ABCA4: variants seen among roughly 807,000 people sequenced by gnomAD.
ABCA4 encodes ATP binding cassette subfamily A member 4.
Under a neutral mutation model 263.7 loss-of-function variants are expected in ABCA4, and 196 were observed. The ratio of observed to expected loss-of-function variants is 0.74; its 90% confidence interval spans 0.66 to 0.84. ABCA4 has a LOEUF of 0.84. Ranked by LOEUF, ABCA4 falls within the 40% of genes least tolerant of loss-of-function variation. ABCA4 has a pLI of 0.00. For synonymous variants in ABCA4, 1,133 were observed against 1,094.2 expected (o/e 1.04, Z -0.70); for missense variants, 2,792 against 2,855.1 (o/e 0.98, Z 0.50).
chr1:94,013,870 A>G (rs1053009371), intron 38 of ABCA4, among the ~76,000 whole-genome samples: 1 of 152,198 alleles, frequency 6.6e-6, no homozygotes, highest in African/African-American at 2.4e-5. Context: ...GGATCTGCTG[A>G]TGTGTCTCCA....
At position 94,056,671 on chromosome 1, in the gene ABCA4, G is replaced by A; in HGVS notation, c.2312C>T (p.Thr771Ile). ...AAACSGVIYF[T>I]LYLPHILCFA... is the part of the protein sequence containing the mutation. ...GCACAGGATGTGTGGCAGGTAGAGG[G>A]TGAAATAGATGACACCACTACAGGC... Residue 771 changes from threonine (T) to isoleucine (I), a missense_variant, in exon 15 of 50, where the codon ACC becomes ATC. Physicochemically the swap from Thr to Ile is moderately conservative, Grantham distance 89. Coordinates refer to ENST00000370225, the MANE Select transcript of ABCA4 (RefSeq NM_000350.3). 1.2e-6 allele frequency: 2 copies of A among 1,614,114 alleles called. No homozygotes were observed. Among genetic ancestry groups the A allele is most frequent in the Non-Finnish European group, 1.7e-6 (2 of 1,180,034 alleles).
At chr1:94,093,083 G>A (rs924553296) in intron 6 of ABCA4, among the ~76,000 whole-genome samples, 16 of 152,180 alleles carry the variant, frequency 1.1e-4, no homozygotes, top group Non-Finnish European at 2.2e-4. Flanking sequence ...TGCCCCAGCA[G>A]CTGCCCAGGC....
intron 32 of ABCA4, 21 bp downstream of exon 32, chr1:94,023,365 C>A: frequency 6.3e-7 from 1 of 1,586,228 alleles, no homozygotes; most frequent in Non-Finnish European, 8.7e-7. Flanking sequence ...GATTTTAATT[C>A]TGATAAAAAT....
chr1:94,010,528 T>G, intron 40 of ABCA4: 2 of 552,010 alleles, frequency 3.6e-6, no homozygotes, highest in Non-Finnish European at 6.6e-6. Context: ...AAAATACACA[T>G]TTGGTAATTA....
At chr1:94,003,107 C>A (rs1427971618) in intron 44 of ABCA4, among the ~76,000 whole-genome samples, 1 of 152,192 alleles carries the variant, frequency 6.6e-6, no homozygotes, top group African/African-American at 2.4e-5. Context: ...TCTTACATAA[C>A]CACAGTACAT....
chr1:94,062,523 CT>C, intron 13 of ABCA4, 53 bp downstream of exon 13: 4 of 1,587,916 alleles, frequency 2.5e-6, no homozygotes, highest in Non-Finnish European at 3.4e-6. Context: ...CCCCAGCCCA[CT>C]CCAGCACCCC....
intron 13 of ABCA4, 95 bp from the exon 14 acceptor site, chr1:94,060,854 C>T: frequency 9.4e-7 from 1 of 1,066,698 alleles, no homozygotes; most frequent in South Asian, 1.4e-5. Context: ...AGAACAAAGC[C>T]CAGATGGAGG....
rs761897059 is a variant in ABCA4, at chr1:94,021,903, C to T, written c.4716G>A (p.Thr1572=). The change falls in exon 33 of 50, where the codon ACG becomes ACA. Residue 1572 remains threonine, a synonymous_variant. Coordinates refer to ENST00000370225, the MANE Select transcript of ABCA4 (RefSeq NM_000350.3). ...IGGKLPVVPI[T]GEALVGFLSD... Reference sequence around the variant, plus strand: ...TTAAAAACCCAACAAGTGCTTCCCCCGTGATGGGGACGACTGGGAGCTTTC... The same window carrying T: ...TTAAAAACCCAACAAGTGCTTCCCCTGTGATGGGGACGACTGGGAGCTTTC... 18 of 1,614,058 alleles carry T rather than the reference C, an allele frequency of 1.1e-5. No individual in the cohort carries two copies. Among genetic ancestry groups the T allele is most frequent in the Admixed American group, 5.0e-5 (3 of 60,004 alleles).
chr1:94,025,101 G>A (rs900166986), intron 30 of ABCA4, 53 bp from the exon 31 acceptor site: 13 of 1,493,534 alleles, frequency 8.7e-6, no homozygotes, highest in Non-Finnish European at 1.1e-5. Context: ...GGACTTATAA[G>A]TAGTTTGTGA....
Position 94,001,893 on chromosome 1 carries a change from T to C in ABCA4, c.6247A>G (p.Ile2083Val). The change falls in exon 45 of 50, where the codon ATC becomes GTC. Residue 2083 changes from isoleucine to valine, a missense_variant. Physicochemically the swap from Ile to Val is conservative, Grantham distance 29. Transcript: ENST00000370225. ...AGCGGTGGGCAGCCAATGAGTGCGATGGCTGTGGAGAGTTTCCGCTTGTTG... is the reference window on the plus strand; with the variant it reads ...AGCGGTGGGCAGCCAATGAGTGCGACGGCTGTGGAGAGTTTCCGCTTGTTG... The part of the protein sequence containing the change: ...GGNKRKLSTA[I>V]ALIGCPPLVL... 1 of 1,614,194 alleles carries C rather than the reference T, an allele frequency of 6.2e-7. No individual in the cohort carries two copies. The highest frequency in any genetic ancestry group is 8.5e-7 in the Non-Finnish European group (1 of 1,180,032).
intron 16 of ABCA4, 101 bp downstream of exon 16, chr1:94,055,010 G>A (rs1440211977): frequency 1.6e-6 from 2 of 1,231,310 alleles, no homozygotes; most frequent in East Asian, 2.5e-5. Context: ...TGCTGGTTCT[G>A]ACAAAGAGCT....
chr1:94,007,503 A>G, intron 43 of ABCA4, 131 bp downstream of exon 43: 1 of 805,966 alleles, frequency 1.2e-6, no homozygotes, highest in East Asian at 2.5e-5. Flanking sequence ...GCTCTCTGGG[A>G]GGCCTCCTTC....
intron 49 of ABCA4, 77 bp downstream of exon 49, chr1:93,996,032 C>G: frequency 7.2e-7 from 1 of 1,393,068 alleles, no homozygotes; most frequent in Non-Finnish European, 1.0e-6. Flanking sequence ...CTTGGAGCAA[C>G]TCAAGCCCAG....
intron 14 of ABCA4, among the ~76,000 whole-genome samples, chr1:94,058,138 A>G (rs1339559509): frequency 6.6e-6 from 1 of 152,208 alleles, no homozygotes; most frequent in Non-Finnish European, 1.5e-5. Context: ...CAGATAAAAC[A>G]AATGGCAAAG....
intron 19 of ABCA4, among the ~76,000 whole-genome samples, chr1:94,044,989 C>T (rs760565078): frequency 2.6e-5 from 4 of 152,226 alleles, no homozygotes; most frequent in African/African-American, 7.2e-5. Flanking sequence ...CCCAGGCCAA[C>T]GCCGAGGGCC....
At chr1:94,106,605 C>A (rs906759157) in intron 4 of ABCA4, among the ~76,000 whole-genome samples, 3 of 152,230 alleles carry the variant, frequency 2.0e-5, no homozygotes, top group Non-Finnish European at 1.5e-5. Flanking sequence ...AAATAAACTT[C>A]TACCCAGGGC....
At chr1:94,117,006 C>T (rs1359490797) in intron 1 of ABCA4, among the ~76,000 whole-genome samples, 7 of 91,472 alleles carry the variant, frequency 7.7e-5, no homozygotes, top group African/African-American at 3.0e-4. Flanking sequence ...TTCTTTCTTT[C>T]TTTCTTTCTT....
chr1:94,111,263 T>C (rs1486442706), intron 3 of ABCA4, among the ~76,000 whole-genome samples, 175 bp downstream of exon 3: 2 of 152,228 alleles, frequency 1.3e-5, no homozygotes, highest in Non-Finnish European at 2.9e-5. Flanking sequence ...CCAAGTGCCC[T>C]GACAGTTAAC....
At chr1:94,118,025 T>C (rs1662849120) in intron 1 of ABCA4, among the ~76,000 whole-genome samples, 1 of 152,180 alleles carries the variant, frequency 6.6e-6, no homozygotes, top group Non-Finnish European at 1.5e-5. Flanking sequence ...GACTATTGGA[T>C]AGATCTCGAT....
Sources: allele counts gnomAD v4.1 joint callset (sites outside exome capture counted in the v4.1 genomes callset), GRCh38; gene constraint gnomAD v4.1.1; transcripts MANE v1.5; gene names NCBI Gene and HGNC (gene_info 2026-07-23, HGNC 2026-07-21).